DPY19L3: variants seen among roughly 807,000 people sequenced by gnomAD.
DPY19L3 encodes dpy-19 like C-mannosyltransferase 3, also known as protein C-mannosyl-transferase DPY19L3.
DPY19L3 carries 51 observed loss-of-function variants against 92.3 expected under a neutral mutation model. The observed-to-expected ratio is 0.55, with a 90% CI of 0.44 to 0.70. DPY19L3 has a LOEUF of 0.70. Ranked by LOEUF, DPY19L3 falls within the 30% of genes least tolerant of loss-of-function variation. The pLI is 0.00. For missense variants in DPY19L3, 706 were observed against 855.9 expected (o/e 0.82, Z 2.18); for synonymous variants, 309 against 315.2 (o/e 0.98, Z 0.21).
chr19:32,470,781 CTTTTTTTT>C (rs71336911), intron 16 of DPY19L3, among the ~76,000 whole-genome samples: 2 of 91,210 alleles, frequency 2.2e-5, no homozygotes, highest in Non-Finnish European at 4.0e-5. Context: ...ATTCCTTTGG[CTTTTTTTT>C]TTTTTTTTTT....
intron 1 of DPY19L3, among the ~76,000 whole-genome samples, chr19:32,407,698 C>T (rs1323686476): frequency 6.6e-6 from 1 of 152,154 alleles, no homozygotes; most frequent in African/African-American, 2.4e-5. Flanking sequence ...GCAGGGCCTG[C>T]TGTAGAGCAC....
intron 12 of DPY19L3, among the ~76,000 whole-genome samples, chr19:32,460,254 AAG>A (rs1969995293): frequency 6.6e-6 from 1 of 152,076 alleles, no homozygotes. Flanking sequence ...AAAAAAGAAA[AAG>A]AAAAATTAGC....
intron 11 of DPY19L3, 36 bp downstream of exon 11, chr19:32,458,209 C>G: frequency 6.3e-7 from 1 of 1,598,834 alleles, no homozygotes; most frequent in Non-Finnish European, 8.5e-7. Flanking sequence ...TTGCTATTTT[C>G]TATTGAATCA....
intron 16 of DPY19L3, among the ~76,000 whole-genome samples, chr19:32,473,633 T>A (rs1351158052): frequency 6.6e-6 from 1 of 152,244 alleles, no homozygotes; most frequent in African/African-American, 2.4e-5. Flanking sequence ...TGCTTGTAGC[T>A]TTTCCTTTGG....
chr19:32,411,679 T>C (rs949304446), intron 3 of DPY19L3: 22 of 344,562 alleles, frequency 6.4e-5, no homozygotes, highest in Admixed American at 4.5e-4. Flanking sequence ...GTGATTCTTC[T>C]GGCTTAGCCT....
chr19:32,420,450 T>TTTG (rs1555716692), intron 3 of DPY19L3, among the ~76,000 whole-genome samples: 11 of 152,142 alleles, frequency 7.2e-5, no homozygotes, highest in African/African-American at 1.4e-4. Flanking sequence ...TTTGTTTTTT[T>TTTG]TTGTTGTTGT....
chr19:32,458,003 T>G, intron 10 of DPY19L3, 97 bp from the exon 11 acceptor site: 2 of 905,698 alleles, frequency 2.2e-6, no homozygotes, highest in Non-Finnish European at 3.5e-6. Flanking sequence ...CACGCTCCTG[T>G]GAAATTGGAC....
At chr19:32,468,916 T>A in intron 16 of DPY19L3, 103 bp downstream of exon 16, 1 of 1,148,502 alleles carries the variant, frequency 8.7e-7, no homozygotes, top group Non-Finnish European at 1.2e-6. Context: ...TGAATCTAAT[T>A]ACGAAGAAAC....
chr19:32,452,087 AGATGTTGG>A (rs1252422304), intron 8 of DPY19L3, among the ~76,000 whole-genome samples: 2 of 152,124 alleles, frequency 1.3e-5, no homozygotes, highest in Non-Finnish European at 1.5e-5. Context: ...CAGCTTCCCA[AGATGTTGG>A]GATTACAGGC....
intron 3 of DPY19L3, among the ~76,000 whole-genome samples, chr19:32,422,234 T>A (rs1320155945): frequency 2.6e-5 from 4 of 152,164 alleles, no homozygotes; most frequent in Non-Finnish European, 5.9e-5. Context: ...GTGGAGGTTG[T>A]AACCACACGT....
chr19:32,462,677 A>G (rs1970076954), intron 12 of DPY19L3, among the ~76,000 whole-genome samples: 1 of 152,220 alleles, frequency 6.6e-6, no homozygotes, highest in Admixed American at 6.5e-5. Flanking sequence ...TTTTAAAAAA[A>G]GGAGATACTT....
chr19:32,453,953 A>T (rs1163485404), intron 9 of DPY19L3, among the ~76,000 whole-genome samples: 1 of 152,088 alleles, frequency 6.6e-6, no homozygotes, highest in Non-Finnish European at 1.5e-5. Context: ...TATGCTAGAA[A>T]CTTCCGTGTC....
At position 32,439,849 on chromosome 19, in the gene DPY19L3, T is replaced by A; in HGVS notation, c.794T>A (p.Met265Lys). 1 of 1,614,012 alleles carries A rather than the reference T, an allele frequency of 6.2e-7. No individual in the cohort carries two copies. Among genetic ancestry groups the A allele is most frequent in the Non-Finnish European group, 8.5e-7 (1 of 1,179,862 alleles). The change falls in exon 8 of 19, where the codon ATG (methionine) becomes AAG (lysine). Residue 265 changes from methionine (M) to lysine (K), a missense_variant. Physicochemically the swap from Met to Lys is moderately conservative, Grantham distance 95. Coordinates refer to ENST00000392250, the MANE Select transcript of DPY19L3 (RefSeq NM_001172774.2). ...SLTWQFNQFM[M>K]LMQALVLFTL... ...ACATGGCAATTTAATCAATTTATGA[T>A]GCTGATGCAAGCATTAGTGCTGTTC...
chr19:32,419,451 G>A (rs1279785846), intron 3 of DPY19L3, among the ~76,000 whole-genome samples: 1 of 151,218 alleles, frequency 6.6e-6, no homozygotes, highest in East Asian at 2.0e-4. Context: ...ATGAGCCACC[G>A]TGCCCGGCCT....
At chr19:32,477,871 G>A (rs1001851384) in intron 17 of DPY19L3, among the ~76,000 whole-genome samples, 6 of 152,200 alleles carry the variant, frequency 3.9e-5, no homozygotes, top group Non-Finnish European at 8.8e-5. Flanking sequence ...ACATGGCTGG[G>A]GAGGCCTCAC....
At position 32,477,573 on chromosome 19, in the gene DPY19L3, C is replaced by G; in HGVS notation, c.1749C>G (p.Ala583=). The G allele has an allele frequency of 1.9e-6, 3 of 1,614,062 alleles. No homozygotes were observed. The highest frequency in any genetic ancestry group is 2.5e-6 in the Non-Finnish European group (3 of 1,180,028). ...AVFAGSMQLL[A]GVKLCTGRTL... ...TTGCGGGAAGCATGCAGTTGCTGGC[C>G]GGAGTCAAGCTGTGCACGGGAAGGA... is the stretch of plus-strand genomic sequence containing the variant. The change falls in exon 17 of 19, where the codon GCC becomes GCG. Residue 583 remains alanine (A), a synonymous_variant. Coordinates refer to ENST00000392250, the MANE Select transcript of DPY19L3 (RefSeq NM_001172774.2).
At position 32,411,269 on chromosome 19, in the gene DPY19L3, T is replaced by C. The variant is rs1968171334; in HGVS notation, c.134T>C (p.Leu45Ser). ...ACCAGTAGAAGATTATGGAAGATTT[T>C]GTCATTGACAATTGGTGGAACCATT... ...GCTSRRLWKI[L>S]SLTIGGTIAL... Residue 45 changes from leucine (L) to serine (S), a missense_variant, in exon 3 of 19, where the codon TTG becomes TCG. Physicochemically the swap from Leu to Ser is moderately radical, Grantham distance 145. Transcript: ENST00000392250. 2 of 1,612,788 alleles carry C rather than the reference T, an allele frequency of 1.2e-6. No individual in the cohort carries two copies. The highest frequency in any genetic ancestry group is 1.7e-6 in the Non-Finnish European group (2 of 1,179,968).
intron 10 of DPY19L3, 101 bp downstream of exon 10, chr19:32,455,141 T>G (rs898684233): frequency 2.7e-5 from 21 of 790,984 alleles, no homozygotes; most frequent in Admixed American, 7.5e-5. Flanking sequence ...AAACTAATTG[T>G]TTTAGAGACA....
intron 6 of DPY19L3, among the ~76,000 whole-genome samples, chr19:32,438,619 G>A (rs1969223928): frequency 6.6e-6 from 1 of 152,070 alleles, no homozygotes; most frequent in African/African-American, 2.4e-5. Flanking sequence ...AGTATGTGTG[G>A]GGATGGTGTA....
Sources: gnomAD v4.1 joint callset for allele counts (sites outside exome capture counted in the v4.1 genomes callset) on GRCh38, gnomAD v4.1.1 for gene constraint, MANE v1.5 for transcripts, NCBI Gene and HGNC (gene_info 2026-07-23, HGNC 2026-07-21) for gene names.